The following C4orf36 variants were observed in gnomAD, a reference collection of about 807,000 sequenced individuals.
C4orf36 encodes the protein uncharacterized protein C4orf36.
In C4orf36, 11 loss-of-function variants were observed where a neutral mutation model predicts 12.2. The ratio of observed to expected loss-of-function variants is 0.90; its 90% CI spans 0.57 to 1.49. C4orf36 has a LOEUF of 1.49. Among genes scored for constraint, C4orf36 ranks in the 40% most tolerant of loss-of-function variants. The pLI, the probability that C4orf36 is intolerant of heterozygous loss-of-function variation, is 0.00. For synonymous variants in C4orf36, 54 were observed against 51.3 expected, an observed-to-expected ratio of 1.05 and a Z score of -0.22; for missense variants, 137 against 133.9, an observed-to-expected ratio of 1.02 and a Z score of -0.11.
the C4orf36 span, among the ~76,000 whole-genome samples, chr4:86,909,692 C>T: frequency 2.0e-5 from 3 of 152,002 alleles, no homozygotes; most frequent in African/African-American, 7.2e-5. Context: ...CAACTACACA[C>T]CCTTCTATCA....
At chr4:86,890,880 C>G (rs1380960325) in intron 2 of C4orf36, among the ~76,000 whole-genome samples, 2 of 152,208 alleles carry the variant, frequency 1.3e-5, no homozygotes, top group Non-Finnish European at 2.9e-5. Flanking sequence ...ATGCATCTTG[C>G]AGATGCAGAG....
At chr4:86,920,163 T>C in the C4orf36 span, among the ~76,000 whole-genome samples, 1 of 152,236 alleles carries the variant, frequency 6.6e-6, no homozygotes, top group Non-Finnish European at 1.5e-5. Context: ...GGATGGCCTT[T>C]ACTCCGGTTT....
At chr4:86,930,900 C>T in the C4orf36 span, among the ~76,000 whole-genome samples, 8 of 152,188 alleles carry the variant, frequency 5.3e-5, no homozygotes, top group Non-Finnish European at 1.0e-4. Context: ...ACAGCAAGTT[C>T]ACATTTGCAT....
the C4orf36 span, chr4:86,914,077 T>C: frequency 6.2e-7 from 1 of 1,610,426 alleles, no homozygotes; most frequent in Non-Finnish European, 8.5e-7. Context: ...CGAATTGGCT[T>C]TTTAATGTGC....
the C4orf36 span, among the ~76,000 whole-genome samples, chr4:86,909,343 G>A: frequency 2.0e-5 from 3 of 152,268 alleles, no homozygotes; most frequent in East Asian, 1.9e-4. Flanking sequence ...GTCCCAAGCC[G>A]TTTGCAACTT....
At chr4:86,902,937 AT>A in the C4orf36 span, among the ~76,000 whole-genome samples, 15 of 152,342 alleles carry the variant, frequency 9.8e-5, no homozygotes, top group Admixed American at 6.5e-4. Context: ...AACAGTGAAT[AT>A]CATGAAAGAC....
At chr4:86,890,831 G>A (rs1747379189) in intron 2 of C4orf36, among the ~76,000 whole-genome samples, 1 of 152,174 alleles carries the variant, frequency 6.6e-6, no homozygotes, top group African/African-American at 2.4e-5. Context: ...TCACATACAC[G>A]ACTTCATTTA....
chr4:86,934,784 C>G, the C4orf36 span: 1 of 152,288 alleles, frequency 6.6e-6, no homozygotes, highest in African/African-American at 2.4e-5. Context: ...ACCCTCGCGA[C>G]CGGGGCGGTC....
the C4orf36 span, among the ~76,000 whole-genome samples, chr4:86,909,055 A>G: frequency 2.0e-5 from 3 of 152,294 alleles, no homozygotes; most frequent in East Asian, 5.8e-4. Context: ...AAGTTGGGAT[A>G]TGCCAATCTC....
At chr4:86,901,692 T>G in the C4orf36 span, among the ~76,000 whole-genome samples, 3 of 152,106 alleles carry the variant, frequency 2.0e-5, no homozygotes, top group African/African-American at 7.2e-5. Context: ...ATTACAGGCG[T>G]GAGCAACCGC....
rs1034946010 is a variant in C4orf36 at position 86,876,306 on chromosome 4, G to A, written c.*140C>T. 3 of 1,369,288 alleles carry A rather than the reference G, an allele frequency of 2.2e-6. No homozygotes were observed. Among genetic ancestry groups the A allele is most frequent in the Non-Finnish European group, 2.9e-6 (3 of 1,023,900 alleles). 84.8% of individuals were successfully genotyped at this position (1,369,288 alleles called of 1,614,324 possible). A position where few individuals can be genotyped will look rare whatever the true frequency, so the allele number is the denominator to read the frequency against. On this transcript the variant is annotated 3_prime_UTR_variant, in exon 5 of 5. Coordinates refer to ENST00000295898, the MANE Select transcript of C4orf36 (RefSeq NM_144645.4). ...CTCGGTCTCTGGGCGGGCCGTGGGA[G>A]GCTTCCTGAGGTGGGGGCCGGGCCA...
At chr4:86,923,891 A>C in the C4orf36 span, among the ~76,000 whole-genome samples, 2 of 152,180 alleles carry the variant, frequency 1.3e-5, no homozygotes, top group African/African-American at 4.8e-5. Flanking sequence ...TTACTCGTGC[A>C]AAATAAATAT....
the C4orf36 span, chr4:86,934,930 G>GGGAGGT: frequency 6.6e-6 from 1 of 152,082 alleles, no homozygotes; most frequent in Non-Finnish European, 1.5e-5. Context: ...ACCGCAGCTC[G>GGGAGGT]GGAGGTGGGG....
the C4orf36 span, among the ~76,000 whole-genome samples, chr4:86,904,189 G>A: frequency 6.6e-6 from 1 of 152,202 alleles, no homozygotes; most frequent in Non-Finnish European, 1.5e-5. Context: ...AGCAGGAACC[G>A]GCCGCCGCGC....
At chr4:86,911,024 A>C in the C4orf36 span, among the ~76,000 whole-genome samples, 1 of 152,200 alleles carries the variant, frequency 6.6e-6, no homozygotes, top group Non-Finnish European at 1.5e-5. Context: ...CAGAAGTTGT[A>C]GTGGGCCAAG....
intron 4 of C4orf36, among the ~76,000 whole-genome samples, chr4:86,882,137 A>G (rs763049763): frequency 6.6e-6 from 1 of 152,200 alleles, no homozygotes; most frequent in South Asian, 2.1e-4. Flanking sequence ...TTTTATTTCA[A>G]TATGTGCAGT....
At chr4:86,911,339 T>G in the C4orf36 span, among the ~76,000 whole-genome samples, 16 of 152,166 alleles carry the variant, frequency 1.1e-4, no homozygotes, top group Non-Finnish European at 2.2e-4. Flanking sequence ...AAAATCAGAT[T>G]GGCATAATTC....
the C4orf36 span, among the ~76,000 whole-genome samples, chr4:86,917,638 G>A: frequency 6.6e-6 from 1 of 151,168 alleles, no homozygotes; most frequent in South Asian, 2.1e-4. Flanking sequence ...GAAAGAGAAA[G>A]GAAGGAGGAA....
intron 4 of C4orf36, among the ~76,000 whole-genome samples, chr4:86,885,497 T>C (rs1747154536): frequency 6.6e-6 from 1 of 152,206 alleles, no homozygotes; most frequent in Non-Finnish European, 1.5e-5. Flanking sequence ...TGGCTCTCTG[T>C]TTGTCTGTTA....
Sources: gnomAD v4.1 joint callset for allele counts (sites outside exome capture counted in the v4.1 genomes callset) on GRCh38, gnomAD v4.1.1 for gene constraint, MANE v1.5 for transcripts, NCBI Gene and HGNC (gene_info 2026-07-23, HGNC 2026-07-21) for gene names.